Variants in MSRA observed in about 807,000 individuals in gnomAD.
The protein encoded by MSRA is methionine sulfoxide reductase A.
In MSRA, 54 loss-of-function variants were observed where a neutral mutation model predicts 31.3. The observed-to-expected ratio is 1.73, with a 90% CI of 1.39 to 2.17. The LOEUF (loss-of-function observed/expected upper bound fraction) is 2.17, where lower values mean the gene tolerates loss of function less well. Among genes scored for constraint, MSRA ranks in the 30% most tolerant of loss-of-function variants. The pLI is 0.00. For synonymous variants in MSRA, 169 were observed against 116.5 expected (o/e 1.45, Z -2.90); for missense variants, 507 against 300.9 (o/e 1.69, Z -5.07).
At chr8:10,167,063 A>C (rs1014999995) in intron 1 of MSRA, among the ~76,000 whole-genome samples, 2 of 152,168 alleles carry the variant, frequency 1.3e-5, no homozygotes, top group African/African-American at 4.8e-5. Context: ...CGCTGGGCTA[A>C]TGATGCCCTT....
intron 3 of MSRA, among the ~76,000 whole-genome samples, chr8:10,295,442 G>T (rs1266315151): frequency 6.6e-6 from 1 of 152,128 alleles, no homozygotes; most frequent in African/African-American, 2.4e-5. Context: ...CAGACCACGT[G>T]GGCCTAGACT....
rs553114921 is a variant in MSRA at position 10,236,092 on chromosome 8, G to T, written c.212-9012G>T. Among the ~76,000 whole-genome samples, 10 of 152,196 alleles carry T rather than the reference G, an allele frequency of 6.6e-5. No individual in the cohort carries two copies. In the South Asian group the frequency reaches 2.1e-3, roughly 32 times the overall value. On this transcript the variant is annotated intron_variant, in intron 2 of 5. Coordinates refer to ENST00000317173, the MANE Select transcript of MSRA (RefSeq NM_012331.5). ...ATTCAGAACTCATGCATGATAAAAA[G>T]CTTTTCAAAGTAAGAATGGAAGGAA...
At chr8:10,121,715 G>A (rs906846980) in intron 1 of MSRA, among the ~76,000 whole-genome samples, 5 of 151,622 alleles carry the variant, frequency 3.3e-5, no homozygotes, top group African/African-American at 9.7e-5. Flanking sequence ...TGTTTGCCTA[G>A]GCTGGCATGC....
At chr8:10,398,666 C>T (rs1807253737) in intron 5 of MSRA, among the ~76,000 whole-genome samples, 1 of 152,218 alleles carries the variant, frequency 6.6e-6, no homozygotes, top group African/African-American at 2.4e-5. Context: ...CTGCTAAGGC[C>T]TGATCTTTCC....
At chr8:10,344,667 T>G (rs1413536610) in intron 5 of MSRA, among the ~76,000 whole-genome samples, 1 of 149,768 alleles carries the variant, frequency 6.7e-6, no homozygotes, top group Admixed American at 6.6e-5. Flanking sequence ...TCATTAAGGA[T>G]CTGAATGAGC....
chr8:10,389,996 G>A (rs1282701045), intron 5 of MSRA, among the ~76,000 whole-genome samples: 1 of 152,100 alleles, frequency 6.6e-6, no homozygotes. Flanking sequence ...GCCTTCTGCA[G>A]GTACCAGGTC....
intron 3 of MSRA, among the ~76,000 whole-genome samples, chr8:10,263,959 A>G (rs1466638511): frequency 6.6e-6 from 1 of 152,224 alleles, no homozygotes; most frequent in Non-Finnish European, 1.5e-5. Context: ...ACTCAAGTAA[A>G]TAATGATGTG....
chr8:10,060,407 A>G (rs1802645184), intron 1 of MSRA, among the ~76,000 whole-genome samples: 1 of 152,212 alleles, frequency 6.6e-6, no homozygotes, highest in South Asian at 2.1e-4. Context: ...AGAAGGGAAA[A>G]TAATATGTAT....
intron 1 of MSRA, among the ~76,000 whole-genome samples, chr8:10,100,070 T>C (rs567998431): frequency 1.3e-5 from 2 of 152,310 alleles, no homozygotes; most frequent in South Asian, 2.1e-4. Flanking sequence ...AGTCCTGTTG[T>C]AGCTGCAGCA....
intron 5 of MSRA, among the ~76,000 whole-genome samples, chr8:10,329,629 C>G (rs933755246): frequency 6.6e-6 from 1 of 152,130 alleles, no homozygotes; most frequent in Non-Finnish European, 1.5e-5. Flanking sequence ...GACCACAGGC[C>G]CCATAATCTG....
intron 1 of MSRA, among the ~76,000 whole-genome samples, chr8:10,157,993 C>T (rs926968693): frequency 2.0e-5 from 3 of 152,158 alleles, no homozygotes; most frequent in Non-Finnish European, 4.4e-5. Flanking sequence ...ATAAATTTCT[C>T]ACAGTTCTGG....
Position 10,275,855 on chromosome 8 carries a change from G to C in MSRA, c.332-25679G>C, listed in dbSNP as rs1395334173. On this transcript the variant is annotated intron_variant, in intron 3 of 5. Coordinates refer to ENST00000317173, the MANE Select transcript of MSRA (RefSeq NM_012331.5). ...ACAAAGAGTTGCACATCTAGGGTTG[G>C]AAATGACGCCTCTTGACCCACAATC... Among the ~76,000 whole-genome samples, 4 of 152,214 alleles carry C rather than the reference G, an allele frequency of 2.6e-5. No homozygotes were observed. The East Asian group carries it at 5.8e-4, about 22-fold the overall frequency.
chr8:10,269,891 TCTGC>T (rs1798939708), intron 3 of MSRA, among the ~76,000 whole-genome samples: 1 of 152,108 alleles, frequency 6.6e-6, no homozygotes, highest in African/African-American at 2.4e-5. Flanking sequence ...GACCTCGTGA[TCTGC>T]CCACCTCAGC....
chr8:10,284,002 T>G (rs1158381564), intron 3 of MSRA, among the ~76,000 whole-genome samples: 2 of 151,788 alleles, frequency 1.3e-5, no homozygotes, highest in Non-Finnish European at 2.9e-5. Flanking sequence ...CTTCTTTTCC[T>G]CTTGGTAGAT....
intron 5 of MSRA, among the ~76,000 whole-genome samples, chr8:10,397,645 G>T (rs2129182475): frequency 6.6e-6 from 1 of 152,306 alleles, no homozygotes; most frequent in East Asian, 1.9e-4. Flanking sequence ...GTCTGCTTTG[G>T]AATTGGAAGA....
intron 1 of MSRA, among the ~76,000 whole-genome samples, chr8:10,063,726 A>C (rs186032203): frequency 6.6e-6 from 1 of 152,284 alleles, no homozygotes; most frequent in Admixed American, 6.5e-5. Context: ...GTGAACCAGA[A>C]TTTGGGCTCT....
chr8:10,290,532 C>A (rs1163628126), intron 3 of MSRA, among the ~76,000 whole-genome samples: 1 of 152,168 alleles, frequency 6.6e-6, no homozygotes, highest in Non-Finnish European at 1.5e-5. Flanking sequence ...AGCTTTGCAT[C>A]AGAAGCACCC....
At chr8:10,274,620 A>G (rs1799222575) in intron 3 of MSRA, among the ~76,000 whole-genome samples, 1 of 152,102 alleles carries the variant, frequency 6.6e-6, no homozygotes, top group Admixed American at 6.5e-5. Flanking sequence ...AGGTCAGCCT[A>G]CCCATTTATT....
chr8:10,213,072 A>T (rs1041304026), intron 2 of MSRA, among the ~76,000 whole-genome samples: 2 of 152,150 alleles, frequency 1.3e-5, no homozygotes, highest in Admixed American at 1.3e-4. Flanking sequence ...TTTTAAATAT[A>T]CAATTAAATT....
Sources: gnomAD v4.1 joint callset for allele counts (sites outside exome capture counted in the v4.1 genomes callset) on GRCh38, gnomAD v4.1.1 for gene constraint, MANE v1.5 for transcripts, NCBI Gene and HGNC (gene_info 2026-07-23, HGNC 2026-07-21) for gene names.